Variants in MALRD1 observed in about 807,000 individuals in gnomAD.
MALRD1 encodes the protein MAM and LDL receptor class A domain containing 1, also known as MAM and LDL-receptor class A domain-containing protein 1.
MALRD1 carries 247 observed loss-of-function variants against 242.1 expected under a neutral mutation model. The observed-to-expected ratio is 1.02, with a 90% CI of 0.92 to 1.13. The LOEUF (loss-of-function observed/expected upper bound fraction) is 1.13, where lower values mean the gene tolerates loss of function less well. Among genes scored for constraint, MALRD1 ranks in the 50% most tolerant of loss-of-function variants. MALRD1 has a pLI of 0.00. For synonymous variants in MALRD1, 995 were observed against 866.6 expected, an observed-to-expected ratio of 1.15 and a Z score of -2.60; for missense variants, 2,989 against 2,533.1, an observed-to-expected ratio of 1.18 and a Z score of -3.86.
chr10:19,181,480 ATTATG>A lies in MALRD1; in HGVS notation c.1951+6153_1951+6157del, dbSNP rs1222264006. Among the ~76,000 whole-genome samples the A allele has an allele frequency of 8.5e-5, 13 of 152,206 alleles. No individual in the cohort carries two copies. In the East Asian group the frequency reaches 2.1e-3, roughly 25 times the overall value. On this transcript the variant is annotated intron_variant, in intron 14 of 39. Transcript: ENST00000454679. Reference sequence around the variant, plus strand: ...AGAAGGAAAATATTGCATGATCTCAATTATGGGTGGCATCTAAAAATTATATACAG... The same window carrying A: ...AGAAGGAAAATATTGCATGATCTCAAGGTGGCATCTAAAAATTATATACAG...
chr10:19,380,630 A>T (rs1203480551), intron 26 of MALRD1, among the ~76,000 whole-genome samples: 1 of 152,058 alleles, frequency 6.6e-6, no homozygotes, highest in African/African-American at 2.4e-5. Context: ...CATACATAAT[A>T]TTATAAGGTT....
chr10:19,097,468 C>G (rs1836083795), intron 4 of MALRD1, among the ~76,000 whole-genome samples: 1 of 152,200 alleles, frequency 6.6e-6, no homozygotes, highest in Non-Finnish European at 1.5e-5. Flanking sequence ...ATCGCAATCA[C>G]ATTTTTAAAA....
chr10:19,216,698 C>A (rs1012415372), intron 18 of MALRD1, among the ~76,000 whole-genome samples: 3 of 151,012 alleles, frequency 2.0e-5, no homozygotes, highest in Admixed American at 2.0e-4. Context: ...GTAATCCCAG[C>A]ACTTTGGGAG....
chr10:19,112,472 G>T (rs1836711835), intron 5 of MALRD1, among the ~76,000 whole-genome samples: 1 of 152,152 alleles, frequency 6.6e-6, no homozygotes, highest in Admixed American at 6.5e-5. Flanking sequence ...TAAGGAAATG[G>T]AGGAGATAAT....
In MALRD1 at chr10:19,639,614, T is replaced by C. The variant is rs143609131; in HGVS notation, c.6137+23691T>C. Among the ~76,000 whole-genome samples the C allele has an allele frequency of 1.3e-3, 203 of 152,250 alleles. 1 individual carries two copies. The highest frequency in any genetic ancestry group is 4.5e-3 in the African/African-American group (188 of 41,550). On this transcript the variant is annotated intron_variant, in intron 36 of 39. Transcript: ENST00000454679. ...AGTGTGCATCTCAAGCCTTCCACCA[T>C]GTTAGTGTGAGAAATGACAGATACA...
intron 36 of MALRD1, among the ~76,000 whole-genome samples, chr10:19,680,695 C>A (rs116627575): frequency 0.021 from 3,233 of 152,054 alleles, 79 homozygotes; most frequent in African/African-American, 0.058. Flanking sequence ...CTAGCTGGTT[C>A]TTTTGCAGAC....
At chr10:19,385,405 A>T (rs940339180) in intron 26 of MALRD1, among the ~76,000 whole-genome samples, 9 of 152,108 alleles carry the variant, frequency 5.9e-5, no homozygotes, top group Admixed American at 5.9e-4. Context: ...GGTTGTTACC[A>T]CTTCAATCTC....
intron 36 of MALRD1, among the ~76,000 whole-genome samples, chr10:19,628,018 TAAATG>T (rs1169106463): frequency 6.6e-6 from 1 of 151,032 alleles, no homozygotes; most frequent in Non-Finnish European, 1.5e-5. Context: ...AAAAGGAAAA[TAAATG>T]GTCAACACAC....
chr10:19,168,508 G>T lies in MALRD1; in HGVS notation c.1830+2698G>T, dbSNP rs182331045. On this transcript the variant is annotated intron_variant, in intron 13 of 39. Coordinates refer to ENST00000454679, the MANE Select transcript of MALRD1 (RefSeq NM_001142308.3). ...ATGAGTTGAAACACATGCCATTTCT[G>T]TCTACAGCTGGAAGCTCTCATGGAC... Among the ~76,000 whole-genome samples the T allele has an allele frequency of 4.4e-4, 67 of 152,310 alleles. 1 individual carries two copies. In the South Asian group the frequency reaches 0.011, roughly 25 times the overall value.
chr10:19,151,648 T>G (rs1404085881), intron 11 of MALRD1, among the ~76,000 whole-genome samples: 1 of 152,174 alleles, frequency 6.6e-6, no homozygotes, highest in Non-Finnish European at 1.5e-5. Flanking sequence ...TTAAGTGCCA[T>G]GCTTACTGAA....
chr10:19,410,311 T>C (rs577310336), intron 28 of MALRD1, among the ~76,000 whole-genome samples: 1 of 152,036 alleles, frequency 6.6e-6, no homozygotes, highest in East Asian at 1.9e-4. Flanking sequence ...CGCCCAAGTT[T>C]AGTATAGATT....
In MALRD1 at chr10:19,602,536, T is replaced by C. The variant is rs563892331; in HGVS notation, c.5945-5241T>C. Among the ~76,000 whole-genome samples, 19 of 152,210 alleles carry C rather than the reference T, an allele frequency of 1.2e-4. No homozygotes were observed. The South Asian group carries it at 3.7e-3, about 30-fold the overall frequency. On this transcript the variant is annotated intron_variant, in intron 34 of 39. Coordinates refer to ENST00000454679, the MANE Select transcript of MALRD1 (RefSeq NM_001142308.3). The stretch of plus-strand genomic sequence containing the variant: ...CAAAGGACATGAACTCATCATTTTT[T>C]ACGGCTGCATAGTGTTCCATGGTGT...
At chr10:19,342,581 TA>T (rs1843934777) in intron 24 of MALRD1, among the ~76,000 whole-genome samples, 2 of 152,162 alleles carry the variant, frequency 1.3e-5, no homozygotes, top group Admixed American at 1.3e-4. Context: ...ATATAAATAC[TA>T]ATCCCAACGT....
chr10:19,515,603 A>G (rs1275807323), intron 31 of MALRD1, among the ~76,000 whole-genome samples: 2 of 151,852 alleles, frequency 1.3e-5, no homozygotes, highest in African/African-American at 4.8e-5. Flanking sequence ...TCTGTTGCCC[A>G]GGCTGGAGCA....
At chr10:19,114,612 T>A (rs952966753) in intron 5 of MALRD1, among the ~76,000 whole-genome samples, 4 of 151,992 alleles carry the variant, frequency 2.6e-5, no homozygotes, top group Non-Finnish European at 1.5e-5. Context: ...AAAAAAAGAC[T>A]CTGTCCTGGA....
chr10:19,283,879 G>C (rs1840954948), intron 21 of MALRD1, among the ~76,000 whole-genome samples: 1 of 152,182 alleles, frequency 6.6e-6, no homozygotes, highest in Non-Finnish European at 1.5e-5. Context: ...CGCTGCGGTA[G>C]GCACTAGAAA....
chr10:19,322,632 C>T (rs1457801447), intron 21 of MALRD1, among the ~76,000 whole-genome samples: 1 of 152,118 alleles, frequency 6.6e-6, no homozygotes, highest in African/African-American at 2.4e-5. Context: ...TGAGGCCAAA[C>T]CCTGCTGTGT....
Position 19,358,444 on chromosome 10 carries a change from A to G in MALRD1, c.4441+6147A>G, listed in dbSNP as rs960390176. Among the ~76,000 whole-genome samples, 52 of 152,198 alleles carry G rather than the reference A, an allele frequency of 3.4e-4. 1 individual carries two copies. On this transcript the variant is annotated intron_variant, in intron 26 of 39. Coordinates refer to ENST00000454679, the MANE Select transcript of MALRD1 (RefSeq NM_001142308.3). ...AATGCTGGTGTAGCAACTCAGTCAGAGTCCTGAAATAGGAATATCTGACTG... is the reference window on the plus strand; with the variant it reads ...AATGCTGGTGTAGCAACTCAGTCAGGGTCCTGAAATAGGAATATCTGACTG...
At chr10:19,372,426 T>C (rs1845417114) in intron 26 of MALRD1, among the ~76,000 whole-genome samples, 1 of 152,006 alleles carries the variant, frequency 6.6e-6, no homozygotes, top group Non-Finnish European at 1.5e-5. Context: ...AAGTGTACCA[T>C]AGAGTTAGTG....
Sources: allele counts gnomAD v4.1 joint callset (sites outside exome capture counted in the v4.1 genomes callset), GRCh38; gene constraint gnomAD v4.1.1; transcripts MANE v1.5; gene names NCBI Gene and HGNC (gene_info 2026-07-23, HGNC 2026-07-21).